MOK: variants seen among roughly 807,000 people sequenced by gnomAD.
MOK encodes MOK protein kinase.
A neutral mutation model predicts 54.2 loss-of-function variants in MOK; 59 were observed. The observed-to-expected ratio is 1.09, with a 90% CI of 0.88 to 1.35. MOK has a LOEUF of 1.35. MOK is among the 40% of genes most tolerant of loss of function. The pLI is 0.00. For missense variants in MOK, 517 were observed against 526.2 expected, an observed-to-expected ratio of 0.98 and a Z score of 0.17; for synonymous variants, 210 against 202.7, an observed-to-expected ratio of 1.04 and a Z score of -0.31.
Position 102,235,292 on chromosome 14 carries a change from CGT to C in MOK, c.591-1505_591-1504del, listed in dbSNP as rs1322745270. The C allele has an allele frequency of 6.6e-6, 1 of 152,230 alleles. No homozygotes were observed. The highest frequency in any genetic ancestry group is 1.5e-5 in the Non-Finnish European group (1 of 68,046). 9.4% of individuals were successfully genotyped at this position (152,230 alleles called of 1,614,324 possible). A position where few individuals can be genotyped will look rare whatever the true frequency, so the allele number is the denominator to read the frequency against. The stretch of plus-strand genomic sequence containing the variant: ...CTCTAATGTTTCCCAAATTGAGAAA[CGT>C]CCAGGTTCTTCTCCGATCCCGACAC... On this transcript the variant is annotated intron_variant, in intron 7 of 11. Transcript: ENST00000361847. The surrounding 1 kb of genome is among the most constrained non-coding windows in gnomAD (Gnocchi z 4.4).
At chr14:102,218,305 C>T in the MOK span, among the ~76,000 whole-genome samples, 1 of 152,080 alleles carries the variant, frequency 6.6e-6, no homozygotes, top group Non-Finnish European at 1.5e-5. Flanking sequence ...CCACAGCTGT[C>T]TCCTTGAGGT....
At chr14:102,226,363 G>T, downstream of MOK, 1 of 703,194 alleles carries the variant, frequency 1.4e-6, no homozygotes, top group South Asian at 1.5e-5. This position sits in a 1 kb window ranked among gnomAD's most constrained non-coding sequence, Gnocchi z 4.8. Flanking sequence ...GTGTTTGAAT[G>T]GGGAGGAGGA....
At chr14:102,282,589 G>C (rs2069564409) in intron 2 of MOK, among the ~76,000 whole-genome samples, 1 of 151,748 alleles carries the variant, frequency 6.6e-6, no homozygotes, top group Admixed American at 6.6e-5. Context: ...ACAAAAATTA[G>C]CCAGGCGTGT....
rs901811675 is a variant in MOK, at chr14:102,241,220, G to A, written c.591-7431C>T. Among the ~76,000 whole-genome samples, 5 of 152,038 alleles carry A rather than the reference G, an allele frequency of 3.3e-5. No individual in the cohort carries two copies. The South Asian group carries it at 8.3e-4, about 25-fold the overall frequency. On this transcript the variant is annotated intron_variant, in intron 7 of 11. Transcript: ENST00000361847. ...CTTCAGTCTCCACTCCAAGCTCTGA[G>A]TCCTTTGAATCCTTTTCTACAGACC...
intron 4 of MOK, among the ~76,000 whole-genome samples, chr14:102,255,033 A>G (rs972259160): frequency 6.6e-6 from 1 of 152,344 alleles, no homozygotes; most frequent in East Asian, 1.9e-4. Flanking sequence ...ATCACCTAGA[A>G]GTCTTTTAAA....
chr14:102,294,270 C>T (rs1049523647), intron 1 of MOK, among the ~76,000 whole-genome samples: 2 of 151,744 alleles, frequency 1.3e-5, no homozygotes, highest in Admixed American at 6.6e-5. Flanking sequence ...CATGGTGAAA[C>T]CCCGTCTCTA....
chr14:102,261,447 A>ATATATATT (rs2067455718), intron 4 of MOK, among the ~76,000 whole-genome samples: 1 of 120,974 alleles, frequency 8.3e-6, no homozygotes, highest in Non-Finnish European at 1.7e-5. Flanking sequence ...ATATATATAT[A>ATATATATT]TATATATATA....
chr14:102,252,075 A>C lies in MOK; in HGVS notation c.284-80T>G, dbSNP rs928208624. ...TTTGAAATAAAAATAATCTATTTTT[A>C]TTTAACAATGTGTGAAAATCTAAGT... On this transcript the variant is annotated intron_variant, in intron 4 of 11. Coordinates refer to ENST00000361847, the MANE Select transcript of MOK (RefSeq NM_014226.3). The C allele has an allele frequency of 8.1e-6, 7 of 864,404 alleles. No homozygotes were observed. The African/African-American group carries it at 1.0e-4, about 13-fold the overall frequency. 53.5% of individuals were successfully genotyped at this position (864,404 alleles called of 1,614,324 possible).
chr14:102,273,030 CGTGGTGGCGG>C (rs2068515186), intron 2 of MOK, among the ~76,000 whole-genome samples: 2 of 151,982 alleles, frequency 1.3e-5, no homozygotes, highest in African/African-American at 2.4e-5. Context: ...ATTCGCCAGG[CGTGGTGGCGG>C]GTGCCTGTAG....
At position 102,240,621 on chromosome 14, in the gene MOK, T is replaced by TAC. The variant is rs71116889; in HGVS notation, c.591-6833_591-6832insGT. ...CCAGCACCAGTCACAGACTCAGGAA[T>TAC]AGTCTTCTCTTGGTGTTTAATCACT... On this transcript the variant is annotated intron_variant, in intron 7 of 11. Transcript: ENST00000361847. This position sits in a 1 kb window ranked among gnomAD's most constrained non-coding sequence, Gnocchi z 5.4. 46,348 of 152,184 alleles carry TAC rather than the reference T, an allele frequency of 0.3. 8,978 individuals are homozygous for TAC. Among genetic ancestry groups the TAC allele is most frequent in the African/African-American group, 0.56 (23,335 of 41,400 alleles). 9.4% of individuals were successfully genotyped at this position (152,184 alleles called of 1,614,324 possible).
chr14:102,217,028 A>T, the MOK span, among the ~76,000 whole-genome samples: 5 of 152,178 alleles, frequency 3.3e-5, no homozygotes, highest in Non-Finnish European at 7.3e-5. Context: ...GACCATCTAG[A>T]GGCTCTCAGC....
chr14:102,243,534 AACTC>A (rs1010122743), intron 7 of MOK, among the ~76,000 whole-genome samples: 1 of 152,072 alleles, frequency 6.6e-6, no homozygotes, highest in Non-Finnish European at 1.5e-5. Flanking sequence ...AACTATGCTC[AACTC>A]ACTCTCTACA....
In MOK at chr14:102,239,686, T is replaced by C. The variant is rs559970459; in HGVS notation, c.591-5897A>G. 3.3e-5 allele frequency among the ~76,000 whole-genome samples: 5 copies of C among 152,262 alleles called. No individual in the cohort carries two copies. In the South Asian group the frequency reaches 1.0e-3, roughly 32 times the overall value. ...GAGATTGAGACCATCCTGGCCAACA[T>C]GGTGAAACCCCTTCTCTACTAAAAA... On this transcript the variant is annotated intron_variant, in intron 7 of 11. Transcript: ENST00000361847.
In MOK at chr14:102,241,071, G is replaced by A. The variant is rs145310185; in HGVS notation, c.591-7282C>T. Among the ~76,000 whole-genome samples the A allele has an allele frequency of 5.0e-3, 758 of 152,148 alleles. 9 individuals carry two copies. The highest frequency in any genetic ancestry group is 0.017 in the African/African-American group (702 of 41,518). On this transcript the variant is annotated intron_variant, in intron 7 of 11. Transcript: ENST00000361847. ...TTACAAGACCTGGATGATTTTTGTC[G>A]AAAAATGGGCAAATGGTCTGAGGTG...
At chr14:102,265,587 C>T (rs1288762342) in intron 3 of MOK, among the ~76,000 whole-genome samples, 5 of 152,078 alleles carry the variant, frequency 3.3e-5, no homozygotes, top group Non-Finnish European at 4.4e-5. Flanking sequence ...GCCAAGATCA[C>T]GCCGCTGCAC....
chr14:102,277,704 A>T (rs956995889), intron 2 of MOK, among the ~76,000 whole-genome samples: 1 of 152,204 alleles, frequency 6.6e-6, no homozygotes. Context: ...GGTGGACACA[A>T]GAGCACATAC....
chr14:102,242,157 G>A lies in MOK; in HGVS notation c.591-8368C>T, dbSNP rs1239945652. Among the ~76,000 whole-genome samples, 7 of 152,276 alleles carry A rather than the reference G, an allele frequency of 4.6e-5. No homozygotes were observed. The East Asian group carries it at 1.4e-3, about 29-fold the overall frequency. ...TCCTGGACCATCACAGACGCTTTGG[G>A]TAACTCTTACAGTGGAGGGTAAGTC... On this transcript the variant is annotated intron_variant, in intron 7 of 11. Transcript: ENST00000361847.
intron 4 of MOK, among the ~76,000 whole-genome samples, chr14:102,257,119 A>T (rs2067027935): frequency 6.6e-6 from 1 of 150,976 alleles, no homozygotes; most frequent in African/African-American, 2.4e-5. Context: ...CCAGGCCTGA[A>T]CGTCCAAATG....
intron 1 of MOK, among the ~76,000 whole-genome samples, chr14:102,291,502 C>G (rs1480895572): frequency 6.6e-6 from 1 of 152,184 alleles, no homozygotes; most frequent in Non-Finnish European, 1.5e-5. Flanking sequence ...CCTGTTCATA[C>G]TAGTCAAGGG....
Sources: gnomAD v4.1 joint callset for allele counts (sites outside exome capture counted in the v4.1 genomes callset) on GRCh38, gnomAD v4.1.1 for gene constraint, Gnocchi (gnomAD v3.1) non-coding constraint, MANE v1.5 for transcripts, NCBI Gene and HGNC (gene_info 2026-07-23, HGNC 2026-07-21) for gene names.